Variants in DAB1 observed in about 807,000 individuals in gnomAD.
DAB1 encodes the protein disabled homolog 1.
A neutral mutation model predicts 64.6 loss-of-function variants in DAB1; 15 were observed. The ratio of observed to expected loss-of-function variants is 0.23; its 90% confidence interval spans 0.16 to 0.36. The LOEUF (loss-of-function observed/expected upper bound fraction) is 0.36. Among genes scored for constraint, DAB1 ranks in the 10% least tolerant of loss-of-function variants. The pLI, the probability that DAB1 is intolerant of heterozygous loss-of-function variation, is 1.00. For synonymous variants in DAB1, 235 were observed against 251.9 expected, an observed-to-expected ratio of 0.93 and a Z score of 0.64; for missense variants, 596 against 706.7, an observed-to-expected ratio of 0.84 and a Z score of 1.78.
At chr1:57,132,995 C>T (rs1353271040) in intron 4 of DAB1, among the ~76,000 whole-genome samples, 1 of 152,154 alleles carries the variant, frequency 6.6e-6, no homozygotes, top group Admixed American at 6.5e-5. Context: ...CTACCAAGCT[C>T]TGCCATTTGT....
At chr1:58,231,645 T>TATAGTAATG (rs1336569454) in intron 4 of DAB1, among the ~76,000 whole-genome samples, 1 of 152,210 alleles carries the variant, frequency 6.6e-6, no homozygotes, top group African/African-American at 2.4e-5. Flanking sequence ...TTCTACACTG[T>TATAGTAATG]ATAGTAATGA....
At position 58,489,276 on chromosome 1, in the gene DAB1, C is replaced by T. The variant is rs527322941; in HGVS notation, n.257+16784G>A. Among the ~76,000 whole-genome samples the T allele has an allele frequency of 2.1e-3, 324 of 152,326 alleles. 1 individual carries two copies. The highest frequency in any genetic ancestry group is 6.8e-3 in the African/African-American group (281 of 41,582). Reference sequence around the variant, plus strand: ...GCAATTTTCCGACGGTCTTAGCAAACGGCACACCAGGAGATTATATCCCAC... The same window carrying T: ...GCAATTTTCCGACGGTCTTAGCAAATGGCACACCAGGAGATTATATCCCAC... On this transcript the variant is annotated intron_variant and non_coding_transcript_variant, in intron 3 of 20. Transcript: ENST00000485760.
chr1:57,522,115 A>G (rs752309979), intron 7 of DAB1, among the ~76,000 whole-genome samples: 1 of 152,016 alleles, frequency 6.6e-6, no homozygotes, highest in Non-Finnish European at 1.5e-5. Context: ...ATCTCAAAAA[A>G]AAAAGAGCCC....
At chr1:57,582,468 T>C (rs983435666) in intron 7 of DAB1, among the ~76,000 whole-genome samples, 1 of 152,188 alleles carries the variant, frequency 6.6e-6, no homozygotes, top group African/African-American at 2.4e-5. Context: ...AGATGAGATT[T>C]GGGTGGGGAC....
intron 3 of DAB1, among the ~76,000 whole-genome samples, chr1:58,347,765 A>C (rs1354881032): frequency 6.6e-6 from 1 of 151,894 alleles, no homozygotes; most frequent in Non-Finnish European, 1.5e-5. Flanking sequence ...AGCTGACAGC[A>C]GGCAGTAGAA....
chr1:57,602,039 G>C (rs7514497), intron 7 of DAB1, among the ~76,000 whole-genome samples: 1,954 of 152,296 alleles, frequency 0.013, 55 homozygotes, highest in African/African-American at 0.045. Flanking sequence ...TAGCTTTATA[G>C]CTGTGTAATT....
At chr1:57,923,956 G>A (rs1371077569) in intron 5 of DAB1, among the ~76,000 whole-genome samples, 1 of 152,174 alleles carries the variant, frequency 6.6e-6, no homozygotes, top group Admixed American at 6.5e-5. Flanking sequence ...ACTTATAACA[G>A]ACAAACATTT....
At chr1:57,647,780 T>C (rs1259897603) in intron 7 of DAB1, among the ~76,000 whole-genome samples, 1 of 152,232 alleles carries the variant, frequency 6.6e-6, no homozygotes, top group East Asian at 1.9e-4. Context: ...TTCTGCTTTA[T>C]AAATCATCCA....
chr1:58,110,916 A>G (rs189223578), intron 5 of DAB1, among the ~76,000 whole-genome samples: 3 of 152,316 alleles, frequency 2.0e-5, no homozygotes, highest in Admixed American at 2.0e-4. Context: ...AGACTGTTGC[A>G]TTTCTCACAG....
At chr1:57,098,830 T>A (rs1054389244) in intron 4 of DAB1, among the ~76,000 whole-genome samples, 2 of 152,218 alleles carry the variant, frequency 1.3e-5, no homozygotes, top group African/African-American at 4.8e-5. Flanking sequence ...GGGGATGATA[T>A]TATTTGAGAA....
At chr1:58,290,207 G>A (rs1311857443) in intron 4 of DAB1, among the ~76,000 whole-genome samples, 1 of 152,150 alleles carries the variant, frequency 6.6e-6, no homozygotes, top group African/African-American at 2.4e-5. Context: ...AAAGTTAATG[G>A]CATAGAGTGG....
chr1:57,171,468 A>G (rs1661753457), intron 2 of DAB1, among the ~76,000 whole-genome samples: 1 of 152,104 alleles, frequency 6.6e-6, no homozygotes, highest in East Asian at 1.9e-4. Flanking sequence ...CTAGAAGAAA[A>G]GAGTTCCTCT....
chr1:58,278,090 C>A (rs1302871804), intron 4 of DAB1, among the ~76,000 whole-genome samples: 4 of 152,220 alleles, frequency 2.6e-5, no homozygotes, highest in Non-Finnish European at 5.9e-5. Flanking sequence ...CCACCCAAAT[C>A]TCATCTTGAA....
intron 1 of DAB1, among the ~76,000 whole-genome samples, chr1:57,834,789 C>G (rs1311995106): frequency 6.6e-6 from 1 of 151,834 alleles, no homozygotes; most frequent in Non-Finnish European, 1.5e-5. Context: ...GTACAAGATG[C>G]CAGGGAGCAG....
intron 7 of DAB1, among the ~76,000 whole-genome samples, chr1:57,550,257 C>A (rs1387802057): frequency 6.6e-6 from 1 of 152,138 alleles, no homozygotes; most frequent in East Asian, 1.9e-4. Context: ...GTCAGTATTG[C>A]ATGCCATTCA....
intron 4 of DAB1, among the ~76,000 whole-genome samples, chr1:58,172,863 A>G (rs905874676): frequency 2.0e-5 from 3 of 152,262 alleles, no homozygotes; most frequent in Non-Finnish European, 4.4e-5. Context: ...ACAGATAGCA[A>G]GTATGCTTAT....
At chr1:58,457,182 T>C (rs374809516) in intron 3 of DAB1, among the ~76,000 whole-genome samples, 8 of 152,172 alleles carry the variant, frequency 5.3e-5, no homozygotes, top group Non-Finnish European at 1.0e-4. Flanking sequence ...ATACCAGTCA[T>C]GTCAGAGTCC....
chr1:57,945,959 G>A (rs1397215378), intron 5 of DAB1, among the ~76,000 whole-genome samples: 2 of 152,174 alleles, frequency 1.3e-5, no homozygotes, highest in African/African-American at 4.8e-5. Flanking sequence ...ATGCTGCCAT[G>A]TACTGGATTA....
intron 9 of DAB1, among the ~76,000 whole-genome samples, chr1:57,036,063 G>T (rs776554916): frequency 2.0e-5 from 3 of 151,578 alleles, no homozygotes; most frequent in Non-Finnish European, 4.4e-5. Flanking sequence ...GGCTGGTCTT[G>T]AACTCCTGAC....
Sources: gnomAD v4.1 joint callset for allele counts (sites outside exome capture counted in the v4.1 genomes callset) on GRCh38, gnomAD v4.1.1 for gene constraint, MANE v1.5 for transcripts, NCBI Gene and HGNC (gene_info 2026-07-23, HGNC 2026-07-21) for gene names.